The following FGD4 variants were observed in gnomAD, a reference collection of about 807,000 sequenced individuals.
FGD4 encodes FYVE, RhoGEF and PH domain-containing protein 4.
A neutral mutation model predicts 102.0 loss-of-function variants in FGD4; 42 were observed. That is an observed-to-expected ratio of 0.41 (90% CI 0.32 to 0.53). FGD4 has a LOEUF of 0.53. FGD4 is among the 20% of genes least tolerant of loss of function. The probability of loss-of-function intolerance (pLI) is 0.21; values close to 1 mark genes in which losing one functional copy is unlikely to be tolerated. For synonymous variants in FGD4, 380 were observed against 375.7 expected, an observed-to-expected ratio of 1.01 and a Z score of -0.13; for missense variants, 902 against 1,078.2, an observed-to-expected ratio of 0.84 and a Z score of 2.29.
intron 1 of FGD4, among the ~76,000 whole-genome samples, chr12:32,535,013 C>T (rs1297207642): frequency 6.6e-6 from 1 of 152,116 alleles, no homozygotes; most frequent in African/African-American, 2.4e-5. Context: ...TAGAGATAGG[C>T]ATGAGTTTGT....
intron 14 of FGD4, among the ~76,000 whole-genome samples, chr12:32,632,717 T>TTTA (rs1950564400): frequency 2.3e-5 from 3 of 133,184 alleles, no homozygotes; most frequent in South Asian, 2.2e-4. Flanking sequence ...TTATTTATTT[T>TTTA]TTTTTTTTGA....
chr12:32,434,384 G>A (rs1358324642), intron 1 of FGD4, among the ~76,000 whole-genome samples: 1 of 152,198 alleles, frequency 6.6e-6, no homozygotes, highest in Non-Finnish European at 1.5e-5. Context: ...CGAAGACTCA[G>A]GTGAGCAGTA....
chr12:32,627,791 A>C (rs1036478690), intron 14 of FGD4, among the ~76,000 whole-genome samples: 2 of 152,236 alleles, frequency 1.3e-5, no homozygotes, highest in Admixed American at 1.3e-4. Flanking sequence ...AAGTATTTAC[A>C]TCAGAGAGTT....
At chr12:32,596,595 T>C (rs1178977162) in intron 4 of FGD4, among the ~76,000 whole-genome samples, 4 of 151,798 alleles carry the variant, frequency 2.6e-5, no homozygotes, top group Admixed American at 1.3e-4. Context: ...TTTTTTTTTT[T>C]AAGTTTAGAA....
chr12:32,632,074 T>C (rs1222201557), intron 14 of FGD4, among the ~76,000 whole-genome samples: 1 of 152,122 alleles, frequency 6.6e-6, no homozygotes, highest in African/African-American at 2.4e-5. Context: ...TTTTAAATGC[T>C]ATAAATCTAC....
rs550704335 is a variant in FGD4, at chr12:32,533,467, C to T, written c.167-30670C>T. ...TTGAGATGGAGTCTCACTCTGTCACCGAGGCTGGAGTGCAGCGGCGCAATC... is the reference window on the plus strand; with the variant it reads ...TTGAGATGGAGTCTCACTCTGTCACTGAGGCTGGAGTGCAGCGGCGCAATC... On this transcript the variant is annotated intron_variant, in intron 1 of 16. Transcript: ENST00000534526. Among the ~76,000 whole-genome samples, 230 of 152,168 alleles carry T rather than the reference C, an allele frequency of 1.5e-3. 1 individual carries two copies. Among genetic ancestry groups the T allele is most frequent in the African/African-American group, 5.2e-3 (214 of 41,516 alleles).
At chr12:32,401,910 T>G (rs1377940395) in intron 1 of FGD4, among the ~76,000 whole-genome samples, 2 of 148,234 alleles carry the variant, frequency 1.3e-5, no homozygotes, top group African/African-American at 5.0e-5. Context: ...TACATTTTTT[T>G]TTTTTTTTTT....
At chr12:32,577,634 A>T (rs1946234419) in intron 3 of FGD4, among the ~76,000 whole-genome samples, 1 of 152,232 alleles carries the variant, frequency 6.6e-6, no homozygotes, top group African/African-American at 2.4e-5. Flanking sequence ...CATTGTAGGA[A>T]CTTTGGTCAT....
At chr12:32,607,870 C>T in intron 7 of FGD4, 87 bp from the exon 8 acceptor site, 1 of 1,467,270 alleles carries the variant, frequency 6.8e-7, no homozygotes, top group South Asian at 1.1e-5. Context: ...AAAATATTGC[C>T]CTTGACGAAA....
At chr12:32,583,946 T>G (rs140628152) in intron 4 of FGD4, among the ~76,000 whole-genome samples, 2 of 152,348 alleles carry the variant, frequency 1.3e-5, no homozygotes, top group Non-Finnish European at 2.9e-5. Context: ...TATAAAATAG[T>G]AAGAGCTGTT....
intron 1 of FGD4, among the ~76,000 whole-genome samples, chr12:32,419,218 C>G (rs984570285): frequency 6.6e-6 from 1 of 152,154 alleles, no homozygotes; most frequent in Non-Finnish European, 1.5e-5. Flanking sequence ...AGGTGCAAGA[C>G]AGAGAGTCTC....
chr12:32,580,259 G>A (rs1373306529), intron 3 of FGD4, among the ~76,000 whole-genome samples: 1 of 152,064 alleles, frequency 6.6e-6, no homozygotes, highest in East Asian at 1.9e-4. Context: ...CCTGTCTTTG[G>A]AATTATTGTG....
chr12:32,481,818 CAAAAAAA>C (rs35076375), intron 1 of FGD4, among the ~76,000 whole-genome samples: 1 of 130,038 alleles, frequency 7.7e-6, no homozygotes, highest in Non-Finnish European at 1.6e-5. Context: ...AAGACTGTCT[CAAAAAAA>C]AAAAAAAAAG....
chr12:32,554,256 C>CT (rs915334668), intron 1 of FGD4, among the ~76,000 whole-genome samples: 15 of 151,196 alleles, frequency 9.9e-5, no homozygotes, highest in Non-Finnish European at 1.6e-4. Flanking sequence ...TAGCTTTTAA[C>CT]TTTTTTTTTG....
rs547814170 is a variant in FGD4 at position 32,640,749 on chromosome 12, G to A, written c.*216G>A. 5 of 683,246 alleles carry A rather than the reference G, an allele frequency of 7.3e-6. No individual in the cohort carries two copies. The highest frequency in any genetic ancestry group is 4.1e-4 in the Middle Eastern group (1 of 2,412). The allele number at this position is 683,246 out of a possible 1,614,324, so 42.3% of individuals were successfully genotyped here. Reference sequence around the variant, plus strand: ...GTTTTGAAATAATGTGAAAACTGGAGCATTTTTTGAGCTATTCCTTGAATA... The same window carrying A: ...GTTTTGAAATAATGTGAAAACTGGAACATTTTTTGAGCTATTCCTTGAATA... On this transcript the variant is annotated 3_prime_UTR_variant, in exon 17 of 17. Coordinates refer to ENST00000534526, the MANE Select transcript of FGD4 (RefSeq NM_001370298.3).
chr12:32,535,517 C>T (rs1167322998), intron 1 of FGD4, among the ~76,000 whole-genome samples: 1 of 152,164 alleles, frequency 6.6e-6, no homozygotes, highest in African/African-American at 2.4e-5. Flanking sequence ...ATGCCTGCCC[C>T]TGCTCCCTCC....
At chr12:32,487,180 T>C (rs1313296603) in intron 1 of FGD4, among the ~76,000 whole-genome samples, 1 of 152,218 alleles carries the variant, frequency 6.6e-6, no homozygotes, top group Non-Finnish European at 1.5e-5. Flanking sequence ...AACATGAATT[T>C]GTAAGACTGT....
chr12:32,413,354 G>A (rs966346381), intron 1 of FGD4, among the ~76,000 whole-genome samples: 1 of 152,174 alleles, frequency 6.6e-6, no homozygotes, highest in East Asian at 1.9e-4. Flanking sequence ...TCTGCAGAAA[G>A]TTGGCTAACA....
intron 1 of FGD4, among the ~76,000 whole-genome samples, chr12:32,456,425 C>G (rs1942950695): frequency 1.3e-5 from 2 of 152,050 alleles, no homozygotes; most frequent in Non-Finnish European, 2.9e-5. Context: ...TGAGTAATTT[C>G]TATTTAGTGG....
Sources: allele counts gnomAD v4.1 joint callset (sites outside exome capture counted in the v4.1 genomes callset), GRCh38; gene constraint gnomAD v4.1.1; transcripts MANE v1.5; gene names NCBI Gene and HGNC (gene_info 2026-07-23, HGNC 2026-07-21).